The following SLCO3A1 variants were observed in gnomAD, a reference collection of about 807,000 sequenced individuals.
The protein encoded by SLCO3A1 is PGE1 transporter.
In SLCO3A1, 27 loss-of-function variants were observed where a neutral mutation model predicts 63.1. The observed-to-expected ratio is 0.43, with a 90% CI of 0.32 to 0.59. The LOEUF is 0.59. SLCO3A1 is among the 20% of genes least tolerant of loss of function. SLCO3A1 has a pLI of 0.09. For synonymous variants in SLCO3A1, 473 were observed against 409.9 expected (o/e 1.15, Z -1.86); for missense variants, 773 against 945.8 (o/e 0.82, Z 2.40).
At chr15:92,036,726 G>A (rs903694510) in intron 2 of SLCO3A1, among the ~76,000 whole-genome samples, 1 of 152,158 alleles carries the variant, frequency 6.6e-6, no homozygotes, top group Non-Finnish European at 1.5e-5. Context: ...ACTTCTTCCA[G>A]CCCTGAAGTC....
rs751561431 is a variant in SLCO3A1 at position 91,863,667 on chromosome 15, A to AT, written c.180+9586dup. 1.3e-5 allele frequency among the ~76,000 whole-genome samples: 2 copies of AT among 152,052 alleles called. No homozygotes were observed. Among genetic ancestry groups the AT allele is most frequent in the African/African-American group, 4.8e-5 (2 of 41,394 alleles). The stretch of plus-strand genomic sequence containing the variant: ...CTCCTGAAATGTAGGAAAGGAGCAT[A>AT]TTTTTTTGGCCGGAGTGATGATTGA... On this transcript the variant is annotated intron_variant, in intron 1 of 9. Coordinates refer to ENST00000318445, the MANE Select transcript of SLCO3A1 (RefSeq NM_013272.4). The surrounding 1 kb of genome is among the most constrained non-coding windows in gnomAD (Gnocchi z 4.3).
chr15:92,119,658 T>G (rs1596118109), intron 4 of SLCO3A1, among the ~76,000 whole-genome samples: 1 of 150,936 alleles, frequency 6.6e-6, no homozygotes, highest in Non-Finnish European at 1.5e-5. Flanking sequence ...GACTGGAGGG[T>G]GGGAAGAGGA....
intron 2 of SLCO3A1, among the ~76,000 whole-genome samples, chr15:91,927,220 A>C (rs557759470): frequency 6.6e-6 from 1 of 152,084 alleles, no homozygotes; most frequent in Admixed American, 6.5e-5. Context: ...TTTCAGCCTA[A>C]CCGTGGGTGT....
At chr15:92,084,817 C>A (rs2047386534) in intron 2 of SLCO3A1, among the ~76,000 whole-genome samples, 1 of 152,170 alleles carries the variant, frequency 6.6e-6, no homozygotes, top group African/African-American at 2.4e-5. Context: ...ATGGAAGGGT[C>A]AACATTTTTC....
At chr15:91,934,788 ACTT>A (rs1899349468) in intron 2 of SLCO3A1, among the ~76,000 whole-genome samples, 1 of 152,122 alleles carries the variant, frequency 6.6e-6, no homozygotes, top group Non-Finnish European at 1.5e-5. Context: ...TTCCGGTTGA[ACTT>A]CTTTTCGATG....
intron 1 of SLCO3A1, chr15:91,908,698 A>G (rs748926226): frequency 1.3e-5 from 2 of 151,728 alleles, no homozygotes; most frequent in Non-Finnish European, 2.9e-5. Context: ...ACAGGAAGAC[A>G]TGTCCTTGGC....
rs1304749727 is a variant in SLCO3A1 at position 91,886,401 on chromosome 15, A to G, written c.181-29592A>G. Among the ~76,000 whole-genome samples the G allele has an allele frequency of 6.6e-6, 1 of 152,084 alleles. No homozygotes were observed. The highest frequency in any genetic ancestry group is 1.9e-4 in the East Asian group (1 of 5,158). ...TATGAGCCCCTGGCCCGCTGCACCT[A>G]CCTTGGGTCTGGGTGGCTCCTGTTT... On this transcript the variant is annotated intron_variant, in intron 1 of 9. Coordinates refer to ENST00000318445, the MANE Select transcript of SLCO3A1 (RefSeq NM_013272.4). The surrounding 1 kb of genome is among the most constrained non-coding windows in gnomAD (Gnocchi z 4.9).
chr15:91,878,466 C>T (rs72750054), intron 1 of SLCO3A1, among the ~76,000 whole-genome samples: 10,405 of 152,218 alleles, frequency 0.068, 503 homozygotes, highest in Non-Finnish European at 0.1. Flanking sequence ...GAAATTAGCT[C>T]ATGGACTGTT....
chr15:91,897,358 C>T lies in SLCO3A1; in HGVS notation c.181-18635C>T, dbSNP rs745921044. ...CCCAGCTACTCAGGAGGCTGAGGCA[C>T]GAGAATTGCTTGAACCCAGGAGGCA... On this transcript the variant is annotated intron_variant, in intron 1 of 9. Coordinates refer to ENST00000318445, the MANE Select transcript of SLCO3A1 (RefSeq NM_013272.4). This position sits in a 1 kb window ranked among gnomAD's most constrained non-coding sequence, Gnocchi z 4.7. 4.6e-5 allele frequency among the ~76,000 whole-genome samples: 7 copies of T among 151,838 alleles called. No homozygotes were observed. Among genetic ancestry groups the T allele is most frequent in the Admixed American group, 1.3e-4 (2 of 15,266 alleles).
chr15:92,033,503 G>C lies in SLCO3A1; in HGVS notation c.647-61378G>C, dbSNP rs2046681693. Among the ~76,000 whole-genome samples, 1 of 152,236 alleles carries C rather than the reference G, an allele frequency of 6.6e-6. No homozygotes were observed. The highest frequency in any genetic ancestry group is 1.5e-5 in the Non-Finnish European group (1 of 68,036). ...ACTAAATGCCGAGACGGTGGGCAAA[G>C]GAGAACGAGGGAGGAGCAGAGGGTG... On this transcript the variant is annotated intron_variant, in intron 2 of 9. Transcript: ENST00000318445. The surrounding 1 kb of genome is among the most constrained non-coding windows in gnomAD (Gnocchi z 4.5).
chr15:91,853,805 A>T lies in SLCO3A1; in HGVS notation c.-104A>T. 9.4e-7 allele frequency: 1 copy of T among 1,059,398 alleles called. No homozygotes were observed. Among genetic ancestry groups the T allele is most frequent in the South Asian group, 4.4e-5 (1 of 22,472 alleles). The allele number at this position is 1,059,398 out of a possible 1,614,324, so 65.6% of individuals were successfully genotyped here. A position where few individuals can be genotyped will look rare whatever the true frequency, so the allele number is the denominator to read the frequency against. ...GCCGCCGCGAACCCGGGGCGGGGAC[A>T]GCACGCAGCCTCGAGGCGCGCACCC... On this transcript the variant is annotated 5_prime_UTR_variant, in exon 1 of 10. Transcript: ENST00000318445.
chr15:92,066,029 C>T (rs189386266), intron 2 of SLCO3A1, among the ~76,000 whole-genome samples: 8 of 152,326 alleles, frequency 5.3e-5, no homozygotes, highest in Admixed American at 3.3e-4. Flanking sequence ...AAAGGTGAAA[C>T]CACCAGAGGA....
intron 2 of SLCO3A1, among the ~76,000 whole-genome samples, chr15:91,939,227 G>A (rs555357293): frequency 1.3e-5 from 2 of 152,080 alleles, no homozygotes; most frequent in African/African-American, 2.4e-5. Flanking sequence ...AAACAGGAAC[G>A]AGAGAGAGAA....
intron 2 of SLCO3A1, among the ~76,000 whole-genome samples, chr15:91,952,644 T>G (rs1900038282): frequency 6.6e-6 from 1 of 152,146 alleles, no homozygotes; most frequent in South Asian, 2.1e-4. Flanking sequence ...AAGACTGGAG[T>G]GCAGATCAGG....
chr15:91,971,664 T>G (rs1319801212), intron 2 of SLCO3A1, among the ~76,000 whole-genome samples: 3 of 152,088 alleles, frequency 2.0e-5, no homozygotes, highest in Non-Finnish European at 4.4e-5. Context: ...TGCCATGAGC[T>G]CCATGTTAAT....
chr15:92,128,322 A>T, intron 6 of SLCO3A1, 29 bp from the exon 7 acceptor site: 2 of 1,613,486 alleles, frequency 1.2e-6, no homozygotes, highest in Non-Finnish European at 1.7e-6. Context: ...CCTGTTTCTA[A>T]TGGCTTCCGT....
chr15:92,066,442 A>G (rs2047152799), intron 2 of SLCO3A1, among the ~76,000 whole-genome samples: 1 of 152,250 alleles, frequency 6.6e-6, no homozygotes. Context: ...CTGAACAAAC[A>G]GCCACAATTT....
At chr15:92,005,772 A>T (rs1454983533) in intron 2 of SLCO3A1, among the ~76,000 whole-genome samples, 2 of 152,152 alleles carry the variant, frequency 1.3e-5, no homozygotes, top group African/African-American at 4.8e-5. Flanking sequence ...TATGCACTGG[A>T]TAATTCCCTT....
At chr15:91,887,741 C>T (rs1897762358) in intron 1 of SLCO3A1, among the ~76,000 whole-genome samples, 1 of 152,194 alleles carries the variant, frequency 6.6e-6, no homozygotes, top group Non-Finnish European at 1.5e-5. Context: ...TTTAATAAAA[C>T]CAGGCTGGAT....
Sources: gnomAD v4.1 joint callset for allele counts (sites outside exome capture counted in the v4.1 genomes callset) on GRCh38, gnomAD v4.1.1 for gene constraint, Gnocchi (gnomAD v3.1) non-coding constraint, MANE v1.5 for transcripts, NCBI Gene and HGNC (gene_info 2026-07-23, HGNC 2026-07-21) for gene names.